The following COPG2 variants were observed in gnomAD, a reference collection of about 807,000 sequenced individuals.
The protein encoded by COPG2 is coatomer subunit gamma-2.
COPG2 carries 37 observed loss-of-function variants against 46.3 expected under a neutral mutation model. The ratio of observed to expected loss-of-function variants is 0.80; its 90% CI spans 0.61 to 1.05. The LOEUF (loss-of-function observed/expected upper bound fraction) is 1.05. COPG2 is among the 50% of genes least tolerant of loss of function. The probability of loss-of-function intolerance (pLI) is 0.00; values close to 1 mark genes in which losing one functional copy is unlikely to be tolerated. For synonymous variants in COPG2, 159 were observed against 129.7 expected, an observed-to-expected ratio of 1.23 and a Z score of -1.53; for missense variants, 427 against 387.8, an observed-to-expected ratio of 1.10 and a Z score of -0.85.
intron 8 of COPG2, 105 bp from the exon 9 acceptor site, chr7:130,611,215 C>T: frequency 9.7e-7 from 1 of 1,029,190 alleles, no homozygotes; most frequent in African/African-American, 1.6e-5. Flanking sequence ...CTTTAAAATA[C>T]CCAGGTCACA....
chr7:130,535,737 G>T (rs1799873605), intron 20 of COPG2, among the ~76,000 whole-genome samples: 1 of 148,774 alleles, frequency 6.7e-6, no homozygotes, highest in Non-Finnish European at 1.5e-5. Context: ...GAGGGGTTGG[G>T]GTGGGGTGAA....
At chr7:130,579,873 T>TA (rs1180119415) in intron 9 of COPG2, among the ~76,000 whole-genome samples, 1 of 152,158 alleles carries the variant, frequency 6.6e-6, no homozygotes, top group Non-Finnish European at 1.5e-5. Context: ...AAAAGAGACT[T>TA]AGACTCCCAT....
At position 130,507,692 on chromosome 7, in the gene COPG2, G is replaced by C. The variant is rs185936512; in HGVS notation, c.2379C>G (p.Thr793=). ...EETFALSSTK[T]LEEAVNNIIT... ...TAGCAAAATGGGTCTCACCTTCAAGGGTTTTGGTAGAACTGAGGGCAAAGG... is the reference window on the plus strand; with the variant it reads ...TAGCAAAATGGGTCTCACCTTCAAGCGTTTTGGTAGAACTGAGGGCAAAGG... The change falls in exon 22 of 24, where the codon ACC becomes ACG. Residue 793 remains threonine (T), a synonymous_variant. Coordinates refer to ENST00000425248, the MANE Select transcript of COPG2 (RefSeq NM_012133.6). 4.5e-4 allele frequency: 351 copies of C among 780,290 alleles called. 2 individuals are homozygous for C. The highest frequency in any genetic ancestry group is 2.5e-3 in the South Asian group (188 of 74,574). The allele number at this position is 780,290 out of a possible 1,614,324, so 48.3% of individuals were successfully genotyped here.
intron 9 of COPG2, chr7:130,607,735 A>G (rs373477509): frequency 5.8e-6 from 3 of 519,962 alleles, no homozygotes; most frequent in African/African-American, 1.9e-5. Context: ...CTAAGTTTTC[A>G]GTTACTCTTC....
At chr7:130,583,375 T>C (rs1554447503) in intron 9 of COPG2, among the ~76,000 whole-genome samples, 3 of 149,514 alleles carry the variant, frequency 2.0e-5, no homozygotes, top group South Asian at 2.1e-4. Context: ...AGGGATAGCA[T>C]TGGGAGATAT....
chr7:130,608,124 GA>G lies in COPG2; in HGVS notation c.737+2828del, dbSNP rs782213707. ...ATTTAAGATCTATATGTTTTACAAA[GA>G]TTTTTTTGTTAGTTATAATATTCAT... On this transcript the variant is annotated intron_variant, in intron 9 of 23. Transcript: ENST00000425248. 7.7e-5 allele frequency: 29 copies of G among 375,628 alleles called. No homozygotes were observed. In the Admixed American group the frequency reaches 8.2e-4, roughly 11 times the overall value. 23.3% of individuals were successfully genotyped at this position (375,628 alleles called of 1,614,324 possible). A position where few individuals can be genotyped will look rare whatever the true frequency, so the allele number is the denominator to read the frequency against.
At chr7:130,506,837 A>G (rs1554440215) in intron 23 of COPG2, 31 bp from the exon 24 acceptor site, 1 of 762,364 alleles carries the variant, frequency 1.3e-6, no homozygotes, top group East Asian at 2.5e-5. Flanking sequence ...AAACCATATT[A>G]AGAACCCAAA....
intron 20 of COPG2, among the ~76,000 whole-genome samples, chr7:130,536,821 T>G (rs1799885028): frequency 6.6e-6 from 1 of 151,556 alleles, no homozygotes; most frequent in Admixed American, 6.6e-5. Flanking sequence ...AGGACTCAGG[T>G]GGAGGAGTGA....
intron 3 of COPG2, among the ~76,000 whole-genome samples, chr7:130,663,730 C>CTTTTTTTTTTT (rs71178602): frequency 6.0e-5 from 4 of 67,146 alleles, no homozygotes; most frequent in Non-Finnish European, 1.1e-4. Context: ...CATTTCTTTT[C>CTTTTTTTTTTT]TTTTTTTTTT....
intron 5 of COPG2, among the ~76,000 whole-genome samples, chr7:130,644,462 G>T (rs1417254424): frequency 6.6e-6 from 1 of 152,160 alleles, no homozygotes; most frequent in African/African-American, 2.4e-5. Context: ...AGATAGGGCT[G>T]CTCAAATCAA....
At chr7:130,513,306 AAAATATATATATATAT>A (rs1324847237) in intron 20 of COPG2, among the ~76,000 whole-genome samples, 1 of 49,036 alleles carries the variant, frequency 2.0e-5, no homozygotes, top group African/African-American at 8.9e-5. Flanking sequence ...AAAAAAAAAA[AAAATATATATATATAT>A]ATATATATAT....
intron 5 of COPG2, among the ~76,000 whole-genome samples, chr7:130,628,404 TTTAC>T (rs1447079944): frequency 6.6e-6 from 1 of 152,194 alleles, no homozygotes; most frequent in Non-Finnish European, 1.5e-5. Context: ...GGTTTATATC[TTTAC>T]TTAATAACTA....
intron 5 of COPG2, among the ~76,000 whole-genome samples, chr7:130,626,516 T>C (rs1194547452): frequency 1.3e-5 from 2 of 151,634 alleles, no homozygotes; most frequent in Non-Finnish European, 2.9e-5. Context: ...CCCAAAGTGC[T>C]GGGATTACAG....
At position 130,630,304 on chromosome 7, in the gene COPG2, T is replaced by C. The variant is rs181359559; in HGVS notation, c.324-13239A>G. ...CTTTCATCAGATTCACCCCAAAGTA[T>C]TTCATATTTTGATGCTACTGTAAAC... On this transcript the variant is annotated intron_variant, in intron 5 of 23. Coordinates refer to ENST00000425248, the MANE Select transcript of COPG2 (RefSeq NM_012133.6). Among the ~76,000 whole-genome samples the C allele has an allele frequency of 3.7e-4, 57 of 152,308 alleles. 1 individual carries two copies. The highest frequency in any genetic ancestry group is 6.8e-4 in the Non-Finnish European group (46 of 68,034).
At chr7:130,511,514 G>A (rs538609266) in intron 20 of COPG2, 8 of 520,068 alleles carry the variant, frequency 1.5e-5, no homozygotes, top group Non-Finnish European at 2.7e-5. Context: ...TTTTCTCTAG[G>A]ACAAATTCAG....
At chr7:130,655,033 G>GC (rs1295039162) in intron 4 of COPG2, among the ~76,000 whole-genome samples, 1 of 151,886 alleles carries the variant, frequency 6.6e-6, no homozygotes, top group African/African-American at 2.4e-5. Context: ...GTTAATAGTT[G>GC]TTTTAATGAC....
intron 5 of COPG2, among the ~76,000 whole-genome samples, chr7:130,650,098 T>A (rs1795707406): frequency 6.6e-6 from 1 of 152,090 alleles, no homozygotes; most frequent in African/African-American, 2.4e-5. Context: ...TCTTCCCCCA[T>A]CTCCAAATCC....
At chr7:130,511,635 T>C (rs1799596739) in intron 20 of COPG2, 1 of 517,046 alleles carries the variant, frequency 1.9e-6, no homozygotes. Context: ...ACAGCATTGC[T>C]GGGCCAAAAG....
chr7:130,665,042 G>A (rs1456831947), intron 3 of COPG2, among the ~76,000 whole-genome samples: 2 of 151,056 alleles, frequency 1.3e-5, no homozygotes, highest in Non-Finnish European at 3.0e-5. Context: ...TTAGCCAGGC[G>A]TGGTGGTGCA....
Sources: allele counts gnomAD v4.1 joint callset (sites outside exome capture counted in the v4.1 genomes callset), GRCh38; gene constraint gnomAD v4.1.1; transcripts MANE v1.5; gene names NCBI Gene and HGNC (gene_info 2026-07-23, HGNC 2026-07-21).